Variants in SCAF1 observed in about 807,000 individuals in gnomAD.
The protein encoded by SCAF1 is splicing factor, arginine/serine-rich 19.
In SCAF1, 28 loss-of-function variants were observed where a neutral mutation model predicts 91.2. The observed-to-expected ratio is 0.31, with a 90% CI of 0.23 to 0.42. The LOEUF (loss-of-function observed/expected upper bound fraction) is 0.42, where lower values mean the gene tolerates loss of function less well. SCAF1 is among the 10% of genes least tolerant of loss of function. The pLI is 1.00. For synonymous variants in SCAF1, 1,036 were observed against 833.7 expected (o/e 1.24, Z -4.18); for missense variants, 1,893 against 1,872.1 (o/e 1.01, Z -0.21).
At chr19:49,656,145 G>A (rs998337965) in intron 9 of SCAF1, among the ~76,000 whole-genome samples, 1 of 149,858 alleles carries the variant, frequency 6.7e-6, no homozygotes, top group Non-Finnish European at 1.5e-5. Context: ...TGTGCCTTGC[G>A]CTGCAGGACT....
upstream of SCAF1, among the ~76,000 whole-genome samples, chr19:49,640,840 G>A (rs2081022673): frequency 2.0e-5 from 3 of 152,290 alleles, no homozygotes; most frequent in South Asian, 6.2e-4. Flanking sequence ...AGGGATGCCT[G>A]GGTCATGAAG....
At position 49,658,466 on chromosome 19, in the gene SCAF1, C is replaced by A; in HGVS notation, c.*67C>A. 1.2e-6 allele frequency: 1 copy of A among 838,886 alleles called. No homozygotes were observed. 52.0% of individuals were successfully genotyped at this position (838,886 alleles called of 1,614,324 possible). ...TGGACGTATTTATGGCTCCACCTCC[C>A]CACCTCCCTCCCCCGTCAGTGGGAT... On this transcript the variant is annotated 3_prime_UTR_variant, in exon 11 of 11. Transcript: ENST00000360565.
Position 49,652,910 on chromosome 19 carries a change from A to C in SCAF1, c.2521A>C (p.Ile841Leu). The C allele has an allele frequency of 6.2e-7, 1 of 1,613,874 alleles. No individual in the cohort carries two copies. The highest frequency in any genetic ancestry group is 8.5e-7 in the Non-Finnish European group (1 of 1,179,976). ...GCTGCAGTCCAAGGTGGCGGTGCTG[A>C]TCCGCGAGGGTGTCAGCAGCACCAC... is the stretch of plus-strand genomic sequence containing the variant. ...VKLQSKVAVL[I>L]REGVSSTTPA... The change falls in exon 7 of 11, where the codon ATC (isoleucine) becomes CTC (leucine). Residue 841 changes from isoleucine to leucine, a missense_variant. Physicochemically the swap from Ile to Leu is conservative, Grantham distance 5. This residue lies in a region of SCAF1 where 1,436 missense variants were observed against 1,306.8 expected (regional missense o/e 1.10). Coordinates refer to ENST00000360565, the MANE Select transcript of SCAF1 (RefSeq NM_021228.3).
chr19:49,653,424 C>T lies in SCAF1; in HGVS notation c.3035C>T (p.Thr1012Ile). The T allele has an allele frequency of 1.9e-6, 3 of 1,549,364 alleles. No individual in the cohort carries two copies. The highest frequency in any genetic ancestry group is 1.2e-5 in the South Asian group (1 of 81,116). The change falls in exon 7 of 11, where the codon ACT becomes ATT. Residue 1012 changes from threonine (T) to isoleucine (I), a missense_variant. By Grantham distance (89) the Thr-to-Ile change is moderately conservative. Around this residue, in one of 5 missense-constraint regions of SCAF1, gnomAD observed 1,436 missense variants for 1,306.8 expected, o/e 1.10. Transcript: ENST00000360565. ...PEVSFLPEEA[T>I]EEAGVRGGAE... ...GTCTCCTTCCTGCCCGAGGAGGCCA[C>T]TGAGGAGGCTGGGGTCCGAGGTGGG...
Position 49,657,625 on chromosome 19 carries a change from T to G in SCAF1, c.3619-136T>G, listed in dbSNP as rs1599834104. ...AGCAGAGGGCGCATGGGACAGACCC[T>G]CAGCAGGACTTCCAGCCTGAGAGCA... On this transcript the variant is annotated intron_variant, in intron 9 of 10. Transcript: ENST00000360565. 3.5e-6 allele frequency: 4 copies of G among 1,135,454 alleles called. No individual in the cohort carries two copies. The South Asian group carries it at 4.5e-5, about 13-fold the overall frequency. 70.3% of individuals were successfully genotyped at this position (1,135,454 alleles called of 1,614,324 possible).
chr19:49,651,708 C>T lies in SCAF1; in HGVS notation c.1319C>T (p.Ala440Val), dbSNP rs1193095544. 3 of 1,383,410 alleles carry T rather than the reference C, an allele frequency of 2.2e-6. No individual in the cohort carries two copies. The highest frequency in any genetic ancestry group is 2.8e-6 in the Non-Finnish European group (3 of 1,079,708). The allele number at this position is 1,383,410 out of a possible 1,614,324, so 85.7% of individuals were successfully genotyped here. A position where few individuals can be genotyped will look rare whatever the true frequency, so the allele number is the denominator to read the frequency against. ...CTTCCTCAGCCTCCCGCTCCGCGGG[C>T]CCCCGAGGGGGACGACTTCTTGTCC... ...QPLPQPPAPR[A>V]PEGDDFLSLH... is the part of the protein sequence containing the mutation. Residue 440 changes from alanine to valine, a missense_variant, in exon 7 of 11, where the codon GCC (alanine) becomes GTC (valine). Physicochemically the swap from Ala to Val is moderately conservative, Grantham distance 64. Coordinates refer to ENST00000360565, the MANE Select transcript of SCAF1 (RefSeq NM_021228.3).
chr19:49,649,966 C>G (rs572307764), intron 6 of SCAF1, among the ~76,000 whole-genome samples: 58 of 152,332 alleles, frequency 3.8e-4, no homozygotes, highest in African/African-American at 1.4e-3. Context: ...GCACTGTCCT[C>G]ACACCACTCT....
Position 49,652,734 on chromosome 19 carries a change from G to A in SCAF1, c.2345G>A (p.Arg782Lys), listed in dbSNP as rs561335529. Residue 782 changes from arginine to lysine, a missense_variant, in exon 7 of 11, where the codon AGG becomes AAG. This residue lies in a region of SCAF1 where 1,436 missense variants were observed against 1,306.8 expected (regional missense o/e 1.10). Transcript: ENST00000360565. ...GACGGGGGTGACCGGGATCGGGACA[G>A]GGACAGAGATAGGGACAGGGACAGG... Reference protein sequence around the residue: ...ALDGGDRDRDRDRDRDRDRSS... With the variant: ...ALDGGDRDRDKDRDRDRDRSS... The A allele has an allele frequency of 6.9e-6, 11 of 1,605,022 alleles. No individual in the cohort carries two copies. In the South Asian group the frequency reaches 1.0e-4, roughly 15 times the overall value.
At chr19:49,643,783 G>A (rs1322112293) in intron 1 of SCAF1, among the ~76,000 whole-genome samples, 2 of 152,146 alleles carry the variant, frequency 1.3e-5, no homozygotes, top group Non-Finnish European at 2.9e-5. Context: ...ATTGAGTATT[G>A]GTGAAAGAGG....
Position 49,653,704 on chromosome 19 carries a change from C to T in SCAF1, c.3315C>T (p.Ala1105=). ...GVDCTTSGVL[A]LTALLFKMEE... ...ACTGCACCACCAGCGGCGTCCTGGC[C>T]TGTGAGTGTCCCCTGGGGGAGGGTG... The change falls in exon 7 of 11, where the codon GCC becomes GCT. Residue 1105 remains alanine, a splice_region_variant and synonymous_variant. Coordinates refer to ENST00000360565, the MANE Select transcript of SCAF1 (RefSeq NM_021228.3). 1 of 1,552,564 alleles carries T rather than the reference C, an allele frequency of 6.4e-7. No homozygotes were observed. The highest frequency in any genetic ancestry group is 1.4e-5 in the African/African-American group (1 of 73,904).
Position 49,651,674 on chromosome 19 carries a change from G to A in SCAF1, c.1285G>A (p.Ala429Thr). 2 of 1,412,558 alleles carry A rather than the reference G, an allele frequency of 1.4e-6. No homozygotes were observed. Among genetic ancestry groups the A allele is most frequent in the African/African-American group, 1.5e-5 (1 of 65,150 alleles). 87.5% of individuals were successfully genotyped at this position (1,412,558 alleles called of 1,614,324 possible). A position where few individuals can be genotyped will look rare whatever the true frequency, so the allele number is the denominator to read the frequency against. ...PTPAASATPT[A>T]QPLPQPPAPR... is the part of the protein sequence containing the mutation. ...ACCGGCCGCCTCGGCCACCCCCACG[G>A]CCCAGCCCCTTCCTCAGCCTCCCGC... The change falls in exon 7 of 11, where the codon GCC becomes ACC. Residue 429 changes from alanine to threonine, a missense_variant. Physicochemically the swap from Ala to Thr is moderately conservative, Grantham distance 58. Transcript: ENST00000360565.
rs1400343866 is a variant in SCAF1 at position 49,651,917 on chromosome 19, G to A, written c.1528G>A (p.Ala510Thr). 2 of 1,151,198 alleles carry A rather than the reference G, an allele frequency of 1.7e-6. No homozygotes were observed. Among genetic ancestry groups the A allele is most frequent in the East Asian group, 5.9e-5 (1 of 16,958 alleles). 71.3% of individuals were successfully genotyped at this position (1,151,198 alleles called of 1,614,324 possible). ...GGCGCCCGCGCCCGCCCCGGCCGCCGCTGCTGGTCCGCCCACGCGCAAGAA... is the reference window on the plus strand; with the variant it reads ...GGCGCCCGCGCCCGCCCCGGCCGCCACTGCTGGTCCGCCCACGCGCAAGAA... ...SPAPAPAPAA[A>T]AGPPTRKKSR... The change falls in exon 7 of 11, where the codon GCT (alanine) becomes ACT (threonine). Residue 510 changes from alanine (A) to threonine (T), a missense_variant. Transcript: ENST00000360565.
At chr19:49,654,308 C>T (rs760189052) in intron 7 of SCAF1, 41 bp from the exon 8 acceptor site, 1 of 1,570,050 alleles carries the variant, frequency 6.4e-7, no homozygotes, top group Non-Finnish European at 8.8e-7. Flanking sequence ...TGTCCTGTCA[C>T]CTCTCCCATC....
Position 49,652,711 on chromosome 19 carries a change from C to G in SCAF1, c.2322C>G (p.Asp774Glu). 6.3e-7 allele frequency: 1 copy of G among 1,586,686 alleles called. No individual in the cohort carries two copies. The highest frequency in any genetic ancestry group is 1.1e-5 in the South Asian group (1 of 87,980). ...AGGGGTCTCGTCGGAAGGCGCTGGA[C>G]GGGGGTGACCGGGATCGGGACAGGG... is the stretch of plus-strand genomic sequence containing the variant. ...REKGSRRKALDGGDRDRDRDR... is the reference protein window; with the variant it reads ...REKGSRRKALEGGDRDRDRDR... Residue 774 changes from aspartate to glutamate, a missense_variant, in exon 7 of 11, where the codon GAC (aspartate) becomes GAG (glutamate). This residue lies in a region of SCAF1 where 1,436 missense variants were observed against 1,306.8 expected (regional missense o/e 1.10). Coordinates refer to ENST00000360565, the MANE Select transcript of SCAF1 (RefSeq NM_021228.3).
intron 8 of SCAF1, 70 bp from the exon 9 acceptor site, chr19:49,654,582 C>G: frequency 7.3e-7 from 1 of 1,378,300 alleles, no homozygotes; most frequent in Non-Finnish European, 1.0e-6. Flanking sequence ...AGCGTGGGAA[C>G]AGTGGGGTGC....
At chr19:49,641,977 A>C (rs2081028776), upstream of SCAF1, 1 of 152,250 alleles carries the variant, frequency 6.6e-6, no homozygotes, top group East Asian at 1.9e-4. Context: ...CTCTCACCCC[A>C]TTAGCTGTCC....
Position 49,654,675 on chromosome 19 carries a change from C to G in SCAF1, c.3423C>G (p.Pro1141=). The change falls in exon 9 of 11, where the codon CCC becomes CCG. Residue 1141 remains proline (P), a synonymous_variant. Transcript: ENST00000360565. ...TNQILSHRKP[P]SSLGMTPAPV... is the part of the protein sequence containing the mutation. Reference sequence around the variant, plus strand: ...AGATCCTCAGCCACAGAAAGCCACCCTCAAGTCTGGGGATGACCCCAGCTC... The same window carrying G: ...AGATCCTCAGCCACAGAAAGCCACCGTCAAGTCTGGGGATGACCCCAGCTC... 1 of 1,613,394 alleles carries G rather than the reference C, an allele frequency of 6.2e-7. No individual in the cohort carries two copies. The highest frequency in any genetic ancestry group is 8.5e-7 in the Non-Finnish European group (1 of 1,179,554).
Position 49,651,220 on chromosome 19 carries a change from AGAAGAG to A in SCAF1, c.843_848del (p.Glu281_Glu282del), listed in dbSNP as rs760577791. On this transcript the variant is annotated inframe_deletion, in exon 7 of 11. Transcript: ENST00000360565. ...AGGAAGAGGAGGAGGAAGAGGAAGA[AGAAGAG>A]GAAGAGGAAGACGAGGAGGAGGAGG... 5.2e-5 allele frequency: 84 copies of A among 1,612,886 alleles called. No individual in the cohort carries two copies. Among genetic ancestry groups the A allele is most frequent in the East Asian group, 3.8e-4 (17 of 44,830 alleles).
intron 9 of SCAF1, among the ~76,000 whole-genome samples, chr19:49,655,425 G>A (rs530473949): frequency 6.6e-6 from 1 of 152,266 alleles, no homozygotes; most frequent in African/African-American, 2.4e-5. Context: ...GGAGTGCAAT[G>A]GTGCCATCTC....
Sources: allele counts gnomAD v4.1 joint callset (sites outside exome capture counted in the v4.1 genomes callset), GRCh38; gene constraint gnomAD v4.1.1; regional missense constraint gnomAD v4.1.1; transcripts MANE v1.5; gene names NCBI Gene and HGNC (gene_info 2026-07-23, HGNC 2026-07-21).